Variants in ADD3 observed in about 807,000 individuals in gnomAD.
ADD3 encodes adducin 3, also known as gamma-adducin.
ADD3 carries 25 observed loss-of-function variants against 80.2 expected under a neutral mutation model. That is an observed-to-expected ratio of 0.31 (90% CI 0.23 to 0.44). The LOEUF is 0.44. Among genes scored for constraint, ADD3 ranks in the 20% least tolerant of loss-of-function variants. The pLI is 1.00. For missense variants in ADD3, 829 were observed against 847.5 expected (o/e 0.98, Z 0.27); for synonymous variants, 284 against 289.6 (o/e 0.98, Z 0.20).
At position 110,117,385 on chromosome 10, in the gene ADD3, G is replaced by A; in HGVS notation, c.530G>A (p.Arg177Lys). ...CAAGACCACATTATAATAATTCCCAGAGGCCTATCTTTTTCTGAAGCTACA... is the reference window on the plus strand; with the variant it reads ...CAAGACCACATTATAATAATTCCCAAAGGCCTATCTTTTTCTGAAGCTACA... ...KEQDHIIIIP[R>K]GLSFSEATAS... Residue 177 changes from arginine (R) to lysine (K), a missense_variant, in exon 5 of 15, where the codon AGA becomes AAA. By Grantham distance (26) the Arg-to-Lys change is conservative. Transcript: ENST00000356080. 1 of 1,608,088 alleles carries A rather than the reference G, an allele frequency of 6.2e-7. No homozygotes were observed. Among genetic ancestry groups the A allele is most frequent in the African/African-American group, 1.3e-5 (1 of 74,800 alleles).
chr10:110,067,360 T>G (rs1190886912), intron 1 of ADD3, among the ~76,000 whole-genome samples: 4 of 152,336 alleles, frequency 2.6e-5, no homozygotes, highest in African/African-American at 9.6e-5. Flanking sequence ...TACTTCTCAT[T>G]TGCAGTTTTT....
At chr10:110,013,569 A>G (rs1852577848) in intron 1 of ADD3, among the ~76,000 whole-genome samples, 1 of 152,262 alleles carries the variant, frequency 6.6e-6, no homozygotes, top group Admixed American at 6.5e-5. Flanking sequence ...CTCAAGAAGT[A>G]TACTATATTA....
chr10:110,122,548 C>T (rs1232128901), intron 9 of ADD3, among the ~76,000 whole-genome samples: 2 of 151,898 alleles, frequency 1.3e-5, no homozygotes, highest in African/African-American at 4.8e-5. Context: ...CTTTTTCCTC[C>T]TAACTGAAAT....
intron 1 of ADD3, among the ~76,000 whole-genome samples, chr10:110,080,025 G>A (rs991694456): frequency 6.6e-6 from 1 of 152,128 alleles, no homozygotes; most frequent in Non-Finnish European, 1.5e-5. Context: ...CCAGAACTGG[G>A]GTACTATAGG....
rs987840559 is a variant in ADD3, at chr10:110,095,828, A to C, written c.-29-4797A>C. ...GACAGCCTCCACAAATGTTCAGTAA[A>C]TGATTGAGTGAAAAAAGCCAATCCC... On this transcript the variant is annotated intron_variant, in intron 1 of 14. Coordinates refer to ENST00000356080, the MANE Select transcript of ADD3 (RefSeq NM_016824.5). Among the ~76,000 whole-genome samples, 11 of 152,224 alleles carry C rather than the reference A, an allele frequency of 7.2e-5. 1 individual carries two copies. Among genetic ancestry groups the C allele is most frequent in the Non-Finnish European group, 1.2e-4 (8 of 68,032 alleles).
At chr10:110,030,336 AAAAG>A (rs1854858455) in intron 1 of ADD3, among the ~76,000 whole-genome samples, 2 of 151,112 alleles carry the variant, frequency 1.3e-5, no homozygotes, top group African/African-American at 4.8e-5. Context: ...AAAAAAAAAA[AAAAG>A]AAAGTGGTGA....
intron 1 of ADD3, among the ~76,000 whole-genome samples, chr10:110,046,885 A>G (rs1227758920): frequency 1.4e-5 from 2 of 146,990 alleles, no homozygotes; most frequent in East Asian, 3.9e-4. Context: ...AAATACTGTC[A>G]TAATCCAGGA....
intron 1 of ADD3, among the ~76,000 whole-genome samples, chr10:110,020,687 G>T (rs887069949): frequency 1.3e-5 from 2 of 152,120 alleles, no homozygotes; most frequent in African/African-American, 4.8e-5. Flanking sequence ...TGTAGATGCA[G>T]GGAAACTACT....
intron 2 of ADD3, among the ~76,000 whole-genome samples, chr10:110,109,582 A>G (rs942603191): frequency 6.6e-6 from 1 of 152,194 alleles, no homozygotes; most frequent in Non-Finnish European, 1.5e-5. Context: ...AGTAGGTATC[A>G]TTAATTTTGG....
Position 110,129,290 on chromosome 10 carries a change from C to G in ADD3, c.1609-1073C>G, listed in dbSNP as rs1421105708. 3.9e-5 allele frequency among the ~76,000 whole-genome samples: 6 copies of G among 152,030 alleles called. No individual in the cohort carries two copies. The East Asian group carries it at 1.2e-3, about 29-fold the overall frequency. On this transcript the variant is annotated intron_variant, in intron 12 of 14. Transcript: ENST00000356080. ...TCAGCCTCCTGAGTAGCTGGGATTA[C>G]AGGCATGCACCACCATGCCCGGCTA...
chr10:110,063,737 T>TTTATA (rs1491263798), intron 1 of ADD3, among the ~76,000 whole-genome samples: 1 of 64,658 alleles, frequency 1.5e-5, no homozygotes, highest in Non-Finnish European at 3.3e-5. Context: ...TATATATTCA[T>TTTATA]TATATATATA....
chr10:110,089,861 TC>T (rs1392551992), intron 1 of ADD3, among the ~76,000 whole-genome samples: 6 of 152,204 alleles, frequency 3.9e-5, no homozygotes, highest in Admixed American at 3.9e-4. Context: ...CTCTGAACTT[TC>T]TGTACATGTT....
At chr10:110,021,493 C>G (rs887779071) in intron 1 of ADD3, among the ~76,000 whole-genome samples, 21 of 152,120 alleles carry the variant, frequency 1.4e-4, no homozygotes, top group African/African-American at 4.3e-4. Flanking sequence ...AATGGATAAA[C>G]AAATGCGGTA....
At chr10:110,060,839 T>G (rs1858798641) in intron 1 of ADD3, among the ~76,000 whole-genome samples, 1 of 152,070 alleles carries the variant, frequency 6.6e-6, no homozygotes, top group Non-Finnish European at 1.5e-5. Context: ...CTATAGGAGG[T>G]GGATTCCAAT....
intron 1 of ADD3, among the ~76,000 whole-genome samples, chr10:110,022,632 A>G (rs1042907841): frequency 2.6e-5 from 4 of 152,214 alleles, no homozygotes; most frequent in African/African-American, 7.2e-5. Context: ...TAAAGGAAGC[A>G]TATGTGAACC....
intron 14 of ADD3, 71 bp downstream of exon 14, chr10:110,132,471 C>A: frequency 1.9e-6 from 2 of 1,036,484 alleles, no homozygotes; most frequent in Non-Finnish European, 1.5e-6. Context: ...GTTTTGTTTT[C>A]ACGTGAGGAA....
At chr10:110,100,349 C>CAAAA (rs750807063) in intron 1 of ADD3, among the ~76,000 whole-genome samples, 4 of 74,972 alleles carry the variant, frequency 5.3e-5, no homozygotes, top group African/African-American at 8.4e-5. Context: ...GACTCCATCT[C>CAAAA]AAAAAAAAAA....
intron 5 of ADD3, among the ~76,000 whole-genome samples, chr10:110,117,727 C>A (rs2134104121): frequency 6.6e-6 from 1 of 150,602 alleles, no homozygotes. Context: ...GTAAAAAAAA[C>A]ACACACGGCC....
At chr10:110,019,615 A>G (rs780084581) in intron 1 of ADD3, among the ~76,000 whole-genome samples, 1 of 152,112 alleles carries the variant, frequency 6.6e-6, no homozygotes, top group Non-Finnish European at 1.5e-5. Flanking sequence ...CGGCCTCCCA[A>G]AGTGCTGGGA....
Sources: allele counts gnomAD v4.1 joint callset (sites outside exome capture counted in the v4.1 genomes callset), GRCh38; gene constraint gnomAD v4.1.1; transcripts MANE v1.5; gene names NCBI Gene and HGNC (gene_info 2026-07-23, HGNC 2026-07-21).